Variants in PTPRM observed in about 807,000 individuals in gnomAD.
PTPRM encodes the protein protein tyrosine phosphatase receptor type M.
A neutral mutation model predicts 186.7 loss-of-function variants in PTPRM; 47 were observed. That is an observed-to-expected ratio of 0.25 (90% CI 0.20 to 0.32). The LOEUF is 0.32. Among genes scored for constraint, PTPRM ranks in the 10% least tolerant of loss-of-function variants. The probability of loss-of-function intolerance (pLI) is 1.00; values close to 1 mark genes in which losing one functional copy is unlikely to be tolerated. For synonymous variants in PTPRM, 668 were observed against 674.9 expected, an observed-to-expected ratio of 0.99 and a Z score of 0.16; for missense variants, 1,494 against 1,865.0, an observed-to-expected ratio of 0.80 and a Z score of 3.66.
chr18:7,904,824 G>T (rs1482036079), intron 3 of PTPRM, among the ~76,000 whole-genome samples: 1 of 152,180 alleles, frequency 6.6e-6, no homozygotes, highest in Non-Finnish European at 1.5e-5. Flanking sequence ...ACCATCATGA[G>T]TCATGGTTCC....
At chr18:7,636,835 G>A (rs989124630) in intron 1 of PTPRM, among the ~76,000 whole-genome samples, 3 of 152,250 alleles carry the variant, frequency 2.0e-5, no homozygotes, top group Admixed American at 6.5e-5. Flanking sequence ...ATAGTAATTG[G>A]TAACTTTACA....
chr18:7,891,193 G>A (rs1429584166), intron 3 of PTPRM, among the ~76,000 whole-genome samples: 1 of 152,062 alleles, frequency 6.6e-6, no homozygotes, highest in Non-Finnish European at 1.5e-5. Flanking sequence ...GGCTGAGGCT[G>A]GAAGATCGCT....
chr18:7,891,338 G>T (rs1297211770), intron 3 of PTPRM, among the ~76,000 whole-genome samples: 1 of 139,358 alleles, frequency 7.2e-6, no homozygotes, highest in Admixed American at 7.0e-5. Context: ...TCTAGCTAGT[G>T]GGATAACAGG....
chr18:8,057,425 C>CTTTTTTTTTTTTTTTTTTTTTTATTTTTT (rs2088080737), intron 7 of PTPRM, among the ~76,000 whole-genome samples: 3 of 102,560 alleles, frequency 2.9e-5, no homozygotes, highest in African/African-American at 4.3e-5. Context: ...TGTGATACTT[C>CTTTTTTTTTTTTTTTTTTTTTTATTTTTT]TTTTTTTTTT....
intron 23 of PTPRM, among the ~76,000 whole-genome samples, chr18:8,353,940 A>C (rs1432434862): frequency 6.6e-6 from 1 of 152,170 alleles, no homozygotes; most frequent in African/African-American, 2.4e-5. Context: ...GGCTGGGCGC[A>C]GTGGCTCACA....
chr18:8,242,920 C>T (rs537663247), intron 14 of PTPRM, among the ~76,000 whole-genome samples: 35 of 152,254 alleles, frequency 2.3e-4, no homozygotes, highest in African/African-American at 6.3e-4. Flanking sequence ...GAAGGAGGTG[C>T]GGTTTTCTTT....
At chr18:7,657,402 C>T (rs1398805908) in intron 1 of PTPRM, among the ~76,000 whole-genome samples, 1 of 152,194 alleles carries the variant, frequency 6.6e-6, no homozygotes, top group Non-Finnish European at 1.5e-5. Context: ...TTGAGGGAGA[C>T]AAGCAGCACA....
At chr18:7,627,166 T>C (rs930398808) in intron 1 of PTPRM, among the ~76,000 whole-genome samples, 3 of 152,148 alleles carry the variant, frequency 2.0e-5, no homozygotes, top group Admixed American at 2.0e-4. Flanking sequence ...CCATTTCTAC[T>C]CACCTCCTGA....
chr18:8,090,170 C>G (rs903033709), intron 11 of PTPRM, among the ~76,000 whole-genome samples: 12 of 152,148 alleles, frequency 7.9e-5, no homozygotes, highest in Admixed American at 4.6e-4. Context: ...ACCCAAGGCA[C>G]GCATTAGATG....
chr18:8,035,049 T>C (rs748564542), intron 7 of PTPRM, among the ~76,000 whole-genome samples: 28 of 152,166 alleles, frequency 1.8e-4, no homozygotes, highest in Admixed American at 1.0e-3. Flanking sequence ...GTCCAGCCAT[T>C]CCCTTGACCC....
At chr18:8,283,531 T>C (rs76339330) in intron 19 of PTPRM, among the ~76,000 whole-genome samples, 7,314 of 152,288 alleles carry the variant, frequency 0.048, 549 homozygotes, top group African/African-American at 0.16. Context: ...CAGGCTTACA[T>C]CTATGAGACA....
chr18:8,275,153 A>G (rs2094819004), intron 19 of PTPRM, among the ~76,000 whole-genome samples: 1 of 152,188 alleles, frequency 6.6e-6, no homozygotes, highest in African/African-American at 2.4e-5. Flanking sequence ...GTAGGTTTCA[A>G]CGGGACCAGG....
chr18:8,397,733 G>A (rs1020325532), intron 32 of PTPRM, among the ~76,000 whole-genome samples: 9 of 150,286 alleles, frequency 6.0e-5, no homozygotes, highest in Non-Finnish European at 1.3e-4. Context: ...AAGAGACTCC[G>A]GCTGCAGGAA....
At chr18:7,974,172 C>T (rs941190692) in intron 7 of PTPRM, among the ~76,000 whole-genome samples, 4 of 152,150 alleles carry the variant, frequency 2.6e-5, no homozygotes, top group African/African-American at 9.7e-5. Context: ...CGAGTAGGCA[C>T]AACTGAGTCA....
intron 3 of PTPRM, among the ~76,000 whole-genome samples, chr18:7,895,752 G>C (rs2049321766): frequency 6.6e-6 from 1 of 152,164 alleles, no homozygotes; most frequent in Non-Finnish European, 1.5e-5. Flanking sequence ...TGTTGGACTA[G>C]GCAAAGTTTT....
chr18:7,772,255 T>G (rs1482226797), intron 1 of PTPRM, among the ~76,000 whole-genome samples: 2 of 129,630 alleles, frequency 1.5e-5, no homozygotes, highest in African/African-American at 5.2e-5. Context: ...TTTTCTTTTC[T>G]TTTCTTTTCT....
At chr18:7,856,138 C>T (rs1044098251) in intron 2 of PTPRM, among the ~76,000 whole-genome samples, 1 of 152,020 alleles carries the variant, frequency 6.6e-6, no homozygotes, top group African/African-American at 2.4e-5. Context: ...GTTAATGATC[C>T]AGCATTCTAG....
intron 2 of PTPRM, among the ~76,000 whole-genome samples, chr18:7,873,882 T>C (rs182424501): frequency 5.3e-5 from 8 of 152,332 alleles, no homozygotes; most frequent in Admixed American, 3.9e-4. Context: ...AAAATACATA[T>C]ACCTTTTGGC....
chr18:7,780,163 C>G (rs927078001), intron 2 of PTPRM, among the ~76,000 whole-genome samples: 16 of 152,156 alleles, frequency 1.1e-4, no homozygotes, highest in Admixed American at 5.9e-4. Context: ...CCTTAGAAAA[C>G]AAAGTAATCT....
Sources: allele counts gnomAD v4.1 joint callset (sites outside exome capture counted in the v4.1 genomes callset), GRCh38; gene constraint gnomAD v4.1.1; transcripts MANE v1.5; gene names NCBI Gene and HGNC (gene_info 2026-07-23, HGNC 2026-07-21).